Variants in GALNTL6 observed in about 807,000 individuals in gnomAD.
The protein encoded by GALNTL6 is polypeptide N-acetylgalactosaminyltransferase like 6, also known as polypeptide N-acetylgalactosaminyltransferase-like 6.
In GALNTL6, 46 loss-of-function variants were observed where a neutral mutation model predicts 73.7. That is an observed-to-expected ratio of 0.62 (90% confidence interval 0.49 to 0.80). GALNTL6 has a LOEUF of 0.80. Among genes scored for constraint, GALNTL6 ranks in the 30% least tolerant of loss-of-function variants. The probability of loss-of-function intolerance (pLI) is 0.00; values close to 1 mark genes in which losing one functional copy is unlikely to be tolerated. For missense variants in GALNTL6, 604 were observed against 755.0 expected (o/e 0.80, Z 2.34); for synonymous variants, 259 against 263.7 (o/e 0.98, Z 0.17).
intron 8 of GALNTL6, among the ~76,000 whole-genome samples, chr4:172,890,459 AT>A (rs201393578): frequency 0.043 from 6,543 of 152,202 alleles, 193 homozygotes; most frequent in Non-Finnish European, 0.067. Flanking sequence ...CTCCAAAGTC[AT>A]TCAGGAGCAA....
Position 172,456,299 on chromosome 4 carries a change from G to A in GALNTL6, c.553+107610G>A, listed in dbSNP as rs529126003. On this transcript the variant is annotated intron_variant, in intron 5 of 12. Coordinates refer to ENST00000506823, the MANE Select transcript of GALNTL6 (RefSeq NM_001034845.3). ...AAAACCAGAACACCTCTTCTCCTCCGAAGGATCACAACTCCTTGCCAACAA... is the reference window on the plus strand; with the variant it reads ...AAAACCAGAACACCTCTTCTCCTCCAAAGGATCACAACTCCTTGCCAACAA... Among the ~76,000 whole-genome samples the A allele has an allele frequency of 3.3e-5, 5 of 151,994 alleles. No homozygotes were observed. The East Asian group carries it at 7.8e-4, about 24-fold the overall frequency.
rs959131934 is a variant in GALNTL6, at chr4:172,357,646, C to T, written c.553+8957C>T. On this transcript the variant is annotated intron_variant, in intron 5 of 12. Transcript: ENST00000506823. ...ATATATAGATATATACACACACACA[C>T]ACACACACACACACACACACACGGA... Among the ~76,000 whole-genome samples the T allele has an allele frequency of 6.0e-4, 20 of 33,578 alleles. No homozygotes were observed. The South Asian group carries it at 6.9e-3, about 12-fold the overall frequency. The allele number at this position is 33,578 out of a possible 152,430, so 22.0% of individuals were successfully genotyped here. A position where few individuals can be genotyped will look rare whatever the true frequency, so the allele number is the denominator to read the frequency against.
chr4:172,985,890 T>C (rs2126443744), intron 10 of GALNTL6, among the ~76,000 whole-genome samples: 1 of 152,356 alleles, frequency 6.6e-6, no homozygotes, highest in African/African-American at 2.4e-5. Flanking sequence ...TTGTGGCCTC[T>C]GGCTGCGTGA....
intron 2 of GALNTL6, among the ~76,000 whole-genome samples, chr4:171,837,792 A>ATTTCC (rs1735136013): frequency 6.7e-6 from 1 of 150,228 alleles, no homozygotes; most frequent in Admixed American, 6.6e-5. Context: ...GCCCATGAGG[A>ATTTCC]TAGCCCTAAT....
At chr4:172,934,355 G>T (rs1164049954) in intron 9 of GALNTL6, among the ~76,000 whole-genome samples, 2 of 151,918 alleles carry the variant, frequency 1.3e-5, no homozygotes, top group East Asian at 1.9e-4. Flanking sequence ...TAAGAAAAAT[G>T]ATAATCCCAA....
At chr4:172,515,451 T>C (rs1405898985) in intron 5 of GALNTL6, among the ~76,000 whole-genome samples, 2 of 152,198 alleles carry the variant, frequency 1.3e-5, no homozygotes, top group Non-Finnish European at 2.9e-5. Flanking sequence ...ATTTACACAG[T>C]CCGGATTCTC....
At chr4:172,486,263 CTGAT>C (rs1410272094) in intron 5 of GALNTL6, among the ~76,000 whole-genome samples, 1 of 152,070 alleles carries the variant, frequency 6.6e-6, no homozygotes, top group South Asian at 2.1e-4. Flanking sequence ...GTGTGAGAAA[CTGAT>C]TGATTTGAAG....
chr4:172,189,905 G>C (rs760094133), intron 2 of GALNTL6, among the ~76,000 whole-genome samples: 10 of 152,074 alleles, frequency 6.6e-5, no homozygotes, highest in Non-Finnish European at 1.5e-4. Context: ...CTGCTATTCA[G>C]CGTATAATCA....
chr4:171,948,952 CAT>C (rs72364513), intron 2 of GALNTL6, among the ~76,000 whole-genome samples: 62,571 of 148,844 alleles, frequency 0.42, 14,594 homozygotes, highest in Admixed American at 0.55. Context: ...ACTCGCAAGC[CAT>C]ATATATATAC....
intron 5 of GALNTL6, among the ~76,000 whole-genome samples, chr4:172,556,610 C>T (rs1016147384): frequency 6.6e-6 from 1 of 151,864 alleles, no homozygotes; most frequent in African/African-American, 2.4e-5. Context: ...TAACTCTGTA[C>T]CCTGAAAGAG....
Position 173,001,854 on chromosome 4 carries a change from C to CA in GALNTL6, c.1372-7317dup, listed in dbSNP as rs535536333. On this transcript the variant is annotated intron_variant, in intron 10 of 12. Transcript: ENST00000506823. Reference sequence around the variant, plus strand: ...CCACTAGGATGGCTATTACATAAACCAAAAAAACTACAAGTGTTGGCAAAA... The same window carrying CA: ...CCACTAGGATGGCTATTACATAAACCAAAAAAAACTACAAGTGTTGGCAAAA... Among the ~76,000 whole-genome samples the CA allele has an allele frequency of 5.2e-3, 793 of 152,078 alleles. 16 individuals are homozygous for CA. Among genetic ancestry groups the CA allele is most frequent in the African/African-American group, 0.018 (730 of 41,488 alleles).
At chr4:172,678,710 A>G (rs1039043627) in intron 5 of GALNTL6, among the ~76,000 whole-genome samples, 1 of 152,374 alleles carries the variant, frequency 6.6e-6, no homozygotes. Flanking sequence ...TTCTTTGTGG[A>G]CATAGAAAAA....
intron 5 of GALNTL6, among the ~76,000 whole-genome samples, chr4:172,773,169 T>G (rs1738876352): frequency 6.6e-6 from 1 of 152,192 alleles, no homozygotes; most frequent in Non-Finnish European, 1.5e-5. Flanking sequence ...GGAGATCGTT[T>G]CACGTATCCT....
At chr4:172,411,765 A>C (rs189306319) in intron 5 of GALNTL6, among the ~76,000 whole-genome samples, 1 of 152,238 alleles carries the variant, frequency 6.6e-6, no homozygotes, top group African/African-American at 2.4e-5. Context: ...AATTGAGAAA[A>C]TGTATACAGC....
At chr4:172,990,499 TTTGTTCTTCCTG>T (rs1182997892) in intron 10 of GALNTL6, among the ~76,000 whole-genome samples, 7 of 152,164 alleles carry the variant, frequency 4.6e-5, no homozygotes, top group Non-Finnish European at 7.4e-5. Flanking sequence ...GCAATTAACC[TTTGTTCTTCCTG>T]TTGTTGAGCC....
intron 7 of GALNTL6, among the ~76,000 whole-genome samples, chr4:172,814,631 A>T (rs906330212): frequency 2.6e-5 from 4 of 152,308 alleles, no homozygotes; most frequent in South Asian, 4.1e-4. Flanking sequence ...AAAATGCATT[A>T]AAAATATCGT....
intron 5 of GALNTL6, among the ~76,000 whole-genome samples, chr4:172,771,556 C>T (rs936770940): frequency 1.3e-5 from 2 of 152,074 alleles, no homozygotes; most frequent in African/African-American, 4.8e-5. Flanking sequence ...ACTTTGATTT[C>T]CTGTGTGATG....
intron 7 of GALNTL6, among the ~76,000 whole-genome samples, chr4:172,823,058 C>T (rs928810318): frequency 6.6e-6 from 1 of 152,158 alleles, no homozygotes; most frequent in Admixed American, 6.5e-5. Context: ...GGAGAAACTT[C>T]CATGCACCTG....
chr4:171,880,071 A>T (rs1736396041), intron 2 of GALNTL6, among the ~76,000 whole-genome samples: 1 of 152,196 alleles, frequency 6.6e-6, no homozygotes, highest in Non-Finnish European at 1.5e-5. Context: ...AACCACCCTC[A>T]AATTGTGGAT....
Sources: gnomAD v4.1 joint callset for allele counts (sites outside exome capture counted in the v4.1 genomes callset) on GRCh38, gnomAD v4.1.1 for gene constraint, MANE v1.5 for transcripts, NCBI Gene and HGNC (gene_info 2026-07-23, HGNC 2026-07-21) for gene names.